Variants in TMEM184B observed in about 807,000 individuals in gnomAD.
The protein encoded by TMEM184B is transmembrane protein 184B.
TMEM184B carries 17 observed loss-of-function variants against 41.8 expected under a neutral mutation model. That is an observed-to-expected ratio of 0.41 (90% confidence interval 0.28 to 0.61). The LOEUF is 0.61. Ranked by LOEUF, TMEM184B falls within the 20% of genes least tolerant of loss-of-function variation. The probability of loss-of-function intolerance (pLI) is 0.34; values close to 1 mark genes in which losing one functional copy is unlikely to be tolerated. For missense variants in TMEM184B, 393 were observed against 557.8 expected (o/e 0.70, Z 2.98); for synonymous variants, 240 against 229.5 (o/e 1.05, Z -0.41).
chr22:38,233,056 A>C (rs940034416), intron 3 of TMEM184B, among the ~76,000 whole-genome samples: 1 of 152,208 alleles, frequency 6.6e-6, no homozygotes, highest in African/African-American at 2.4e-5. Flanking sequence ...CATGGCACAC[A>C]CGGGGCACAC....
rs773021178 is a variant in TMEM184B at position 38,224,795 on chromosome 22, C to T, written c.972G>A (p.Leu324=). 5 of 1,599,866 alleles carry T rather than the reference C, an allele frequency of 3.1e-6. No individual in the cohort carries two copies. In the South Asian group the frequency reaches 5.5e-5, roughly 18 times the overall value. The change falls in exon 8 of 9, where the codon CTG becomes CTA. Residue 324 remains leucine, a synonymous_variant. Coordinates refer to ENST00000361906, the MANE Select transcript of TMEM184B (RefSeq NM_012264.5). ...GACCCTGGCTCATACCTTGTGCGTC[C>T]AGCCTCTTGTCAGCATAGACCTTGT... ...FTYKVYADKR[L]DAQGRCAPMK... is the part of the protein sequence containing the mutation.
downstream of TMEM184B, among the ~76,000 whole-genome samples, chr22:38,216,931 C>A (rs966705469): frequency 6.6e-6 from 1 of 152,098 alleles, no homozygotes; most frequent in African/African-American, 2.4e-5. Context: ...GCCTATTGTT[C>A]CAGCTACTGA....
intron 1 of TMEM184B, among the ~76,000 whole-genome samples, chr22:38,250,088 T>C (rs1176840173): frequency 6.6e-6 from 1 of 152,232 alleles, no homozygotes; most frequent in African/African-American, 2.4e-5. Flanking sequence ...TCAACCTAGA[T>C]GATCTCATGG....
intron 3 of TMEM184B, chr22:38,231,726 C>A (rs779709309): frequency 1.3e-5 from 5 of 372,706 alleles, no homozygotes; most frequent in Non-Finnish European, 2.1e-5. Flanking sequence ...TTTTTCCGGG[C>A]GCAGTGGCAT....
At chr22:38,248,078 G>T in intron 1 of TMEM184B, 59 bp from the exon 2 acceptor site, 1 of 1,460,702 alleles carries the variant, frequency 6.8e-7, no homozygotes, top group Non-Finnish European at 9.0e-7. Flanking sequence ...GCATTGGAAA[G>T]AATCTTCCAG....
rs868180528 is a variant in TMEM184B, at chr22:38,224,739, C to T, written c.982+46G>A. 6 of 1,520,970 alleles carry T rather than the reference C, an allele frequency of 3.9e-6. 1 individual carries two copies. Among genetic ancestry groups the T allele is most frequent in the Middle Eastern group, 2.3e-4 (1 of 4,392 alleles). The allele number at this position is 1,520,970 out of a possible 1,614,324, so 94.2% of individuals were successfully genotyped here. A position where few individuals can be genotyped will look rare whatever the true frequency, so the allele number is the denominator to read the frequency against. On this transcript the variant is annotated intron_variant, in intron 8 of 8. Transcript: ENST00000361906. The stretch of plus-strand genomic sequence containing the variant: ...TGGGAGGGTCCTGGGATGTTTGGGG[C>T]TCCCTGCTTCTCCCAGCGGGGGTCG...
chr22:38,227,790 C>T (rs903052200), intron 5 of TMEM184B, among the ~76,000 whole-genome samples: 1 of 152,180 alleles, frequency 6.6e-6, no homozygotes, highest in Non-Finnish European at 1.5e-5. Context: ...GGGAGTCTCC[C>T]GCCTCTGTAC....
At chr22:38,243,973 G>A (rs1029474497) in intron 3 of TMEM184B, among the ~76,000 whole-genome samples, 12 of 152,022 alleles carry the variant, frequency 7.9e-5, no homozygotes, top group East Asian at 3.9e-4. Context: ...GGGAACAGAC[G>A]GATGGAAAGG....
chr22:38,233,256 G>A (rs957292735), intron 3 of TMEM184B, among the ~76,000 whole-genome samples: 1 of 152,144 alleles, frequency 6.6e-6, no homozygotes, highest in Non-Finnish European at 1.5e-5. Context: ...CACTGACCAC[G>A]CCTTGTTGTG....
At chr22:38,254,457 G>A (rs562136126) in intron 1 of TMEM184B, among the ~76,000 whole-genome samples, 17 of 151,786 alleles carry the variant, frequency 1.1e-4, no homozygotes, top group South Asian at 1.0e-3. Flanking sequence ...AAAATTAGCC[G>A]GGTATGGTGG....
At position 38,248,131 on chromosome 22, in the gene TMEM184B, CCATCA is replaced by C. The variant is rs563255533; in HGVS notation, c.-58-117_-58-113del. 1.5e-4 allele frequency: 208 copies of C among 1,367,344 alleles called. No individual in the cohort carries two copies. In the Middle Eastern group the frequency reaches 2.7e-3, roughly 18 times the overall value. 84.7% of individuals were successfully genotyped at this position (1,367,344 alleles called of 1,614,324 possible). ...CTGACCATGTCTGTATTGACCCCAA[CCATCA>C]CCCTGTCCCAGCCAGCCTCTCCCCT... On this transcript the variant is annotated intron_variant, in intron 1 of 8. Transcript: ENST00000361906.
intron 4 of TMEM184B, among the ~76,000 whole-genome samples, 173 bp from the exon 5 acceptor site, chr22:38,230,917 A>T (rs2091598795): frequency 1.3e-5 from 2 of 152,150 alleles, no homozygotes; most frequent in Admixed American, 1.3e-4. Flanking sequence ...GCATCCGCAC[A>T]TGCCATAGGC....
chr22:38,221,695 A>T lies in TMEM184B; in HGVS notation c.998T>A (p.Met333Lys), dbSNP rs750299549. The change falls in exon 9 of 9, where the codon ATG becomes AAG. Residue 333 changes from methionine (M) to lysine (K), a missense_variant. By Grantham distance (95) the Met-to-Lys change is moderately conservative. Coordinates refer to ENST00000361906, the MANE Select transcript of TMEM184B (RefSeq NM_012264.5). Reference protein sequence around the residue: ...RLDAQGRCAPMKSISSSLKET... With the variant: ...RLDAQGRCAPKKSISSSLKET... ...CTTGAGGCTGCTGGAGATGCTCTTC[A>T]TGGGGGCACAGCGGCCTGCCGGGCA... is the stretch of plus-strand genomic sequence containing the variant. The T allele has an allele frequency of 6.2e-7, 1 of 1,613,712 alleles. No individual in the cohort carries two copies. The highest frequency in any genetic ancestry group is 1.1e-5 in the South Asian group (1 of 91,072).
At chr22:38,224,571 A>G (rs1404471124) in intron 8 of TMEM184B, among the ~76,000 whole-genome samples, 1 of 152,194 alleles carries the variant, frequency 6.6e-6, no homozygotes, top group Non-Finnish European at 1.5e-5. Context: ...GACCTGCTGC[A>G]AGGGACAGGT....
At chr22:38,266,426 A>G (rs1602504062) in intron 1 of TMEM184B, among the ~76,000 whole-genome samples, 1 of 152,250 alleles carries the variant, frequency 6.6e-6, no homozygotes, top group Non-Finnish European at 1.5e-5. Flanking sequence ...AAGCTCAAAG[A>G]GGGCAAGTGG....
downstream of TMEM184B, chr22:38,216,593 G>C (rs2091153022): frequency 6.2e-6 from 1 of 160,302 alleles, no homozygotes; most frequent in South Asian, 2.1e-4. Context: ...TCTGGTGGCG[G>C]GGAGGGCTAG....
chr22:38,259,412 T>C (rs1165234008), intron 1 of TMEM184B, among the ~76,000 whole-genome samples: 1 of 152,192 alleles, frequency 6.6e-6, no homozygotes, highest in Non-Finnish European at 1.5e-5. Flanking sequence ...AATGAGAGAT[T>C]ATCCTGGATA....
At chr22:38,245,716 A>G (rs2092011033) in intron 3 of TMEM184B, among the ~76,000 whole-genome samples, 2 of 151,912 alleles carry the variant, frequency 1.3e-5, no homozygotes, top group African/African-American at 4.8e-5. Flanking sequence ...GAGAAGCGAG[A>G]CCCAGGTGGA....
chr22:38,241,566 C>T (rs927276990), intron 3 of TMEM184B, among the ~76,000 whole-genome samples: 1 of 150,754 alleles, frequency 6.6e-6, no homozygotes, highest in African/African-American at 2.4e-5. Context: ...GGTGGTGGCA[C>T]ACGCCTGTGT....
Sources: allele counts gnomAD v4.1 joint callset (sites outside exome capture counted in the v4.1 genomes callset), GRCh38; gene constraint gnomAD v4.1.1; transcripts MANE v1.5; gene names NCBI Gene and HGNC (gene_info 2026-07-23, HGNC 2026-07-21).